The following DNAH14 variants were observed in gnomAD, a reference collection of about 807,000 sequenced individuals.
DNAH14 encodes axonemal beta dynein heavy chain 14.
DNAH14 carries 478 observed loss-of-function variants against 520.9 expected under a neutral mutation model. The ratio of observed to expected loss-of-function variants is 0.92; its 90% CI spans 0.85 to 0.99. The LOEUF (loss-of-function observed/expected upper bound fraction) is 0.99, where lower values mean the gene tolerates loss of function less well. DNAH14 is among the 50% of genes least tolerant of loss of function. DNAH14 has a pLI of 0.00. For synonymous variants in DNAH14, 1,581 were observed against 1,757.2 expected (o/e 0.90, Z 2.51); for missense variants, 4,831 against 5,234.5 (o/e 0.92, Z 2.38).
intron 37 of DNAH14, among the ~76,000 whole-genome samples, chr1:225,186,964 T>C (rs1273072115): frequency 6.6e-6 from 1 of 151,904 alleles, no homozygotes; most frequent in African/African-American, 2.4e-5. Context: ...CTTACTGGTC[T>C]GTTCAAGACC....
intron 8 of DNAH14, among the ~76,000 whole-genome samples, chr1:224,997,951 T>C (rs1488351887): frequency 6.6e-6 from 1 of 152,144 alleles, no homozygotes; most frequent in Non-Finnish European, 1.5e-5. Context: ...GACAGAGGAA[T>C]GAATTCAATT....
chr1:224,939,452 CG>C lies in DNAH14; in HGVS notation c.-34+9618del, dbSNP rs1182161432. On this transcript the variant is annotated intron_variant, in intron 1 of 85. Coordinates refer to ENST00000682510, the MANE Select transcript of DNAH14 (RefSeq NM_001367479.1). ...TTGGGATGCCCAGGTGGGTGGATCA[CG>C]AGGTCAGGAGATTGAGACCATCCTG... Among the ~76,000 whole-genome samples, 6 of 152,010 alleles carry C rather than the reference CG, an allele frequency of 3.9e-5. No individual in the cohort carries two copies. The East Asian group carries it at 9.6e-4, about 24-fold the overall frequency.
intron 17 of DNAH14, among the ~76,000 whole-genome samples, chr1:225,066,514 C>T (rs988119058): frequency 3.3e-5 from 5 of 151,700 alleles, no homozygotes; most frequent in South Asian, 4.2e-4. Flanking sequence ...ATTTTTATTT[C>T]GATAGTTTTG....
intron 36 of DNAH14, among the ~76,000 whole-genome samples, chr1:225,185,011 T>A (rs918325709): frequency 1.3e-5 from 2 of 151,880 alleles, no homozygotes; most frequent in East Asian, 3.9e-4. Flanking sequence ...GTACCTGTTA[T>A]TAAAATAAAA....
chr1:225,177,131 G>A (rs1338921983), intron 36 of DNAH14, among the ~76,000 whole-genome samples: 1 of 152,128 alleles, frequency 6.6e-6, no homozygotes, highest in South Asian at 2.1e-4. Flanking sequence ...CAGAGATGAG[G>A]AACTTGTTGG....
intron 55 of DNAH14, among the ~76,000 whole-genome samples, chr1:225,293,387 C>T (rs1333013049): frequency 6.6e-6 from 1 of 152,080 alleles, no homozygotes; most frequent in Non-Finnish European, 1.5e-5. Flanking sequence ...GTCACTGCAG[C>T]ACTATTCACA....
chr1:224,954,889 C>G (rs2060414834), intron 2 of DNAH14, 70 bp from the exon 3 acceptor site: 1 of 1,265,000 alleles, frequency 7.9e-7, no homozygotes, highest in Non-Finnish European at 1.1e-6. Context: ...TGGTAATATG[C>G]TAATAGCTCA....
intron 42 of DNAH14, among the ~76,000 whole-genome samples, chr1:225,240,242 A>G (rs2091889773): frequency 6.6e-6 from 1 of 150,598 alleles, no homozygotes; most frequent in Admixed American, 6.6e-5. Flanking sequence ...AAATATATAC[A>G]TATATTAAGC....
At chr1:225,168,410 G>C (rs1282621490) in intron 36 of DNAH14, among the ~76,000 whole-genome samples, 1 of 152,214 alleles carries the variant, frequency 6.6e-6, no homozygotes, top group Non-Finnish European at 1.5e-5. Context: ...GCCAAGGAAA[G>C]GGGTGACAGA....
At chr1:225,310,617 G>A (rs2094344761) in intron 60 of DNAH14, among the ~76,000 whole-genome samples, 1 of 152,048 alleles carries the variant, frequency 6.6e-6, no homozygotes, top group African/African-American at 2.4e-5. Context: ...CCCCCCGACA[G>A]GCCCCAGTGT....
In DNAH14 at chr1:225,154,902, T is replaced by C. The variant is rs532158173; in HGVS notation, c.5273+1076T>C. Among the ~76,000 whole-genome samples, 99 of 152,178 alleles carry C rather than the reference T, an allele frequency of 6.5e-4. 1 individual carries two copies. Among genetic ancestry groups the C allele is most frequent in the South Asian group, 2.1e-3 (10 of 4,828 alleles). On this transcript the variant is annotated intron_variant, in intron 34 of 85. Transcript: ENST00000682510. ...AAAAAATTGTAACTCATATTACACA[T>C]AGCTTATCCTCTTAATATATAAAGA...
At chr1:224,996,138 G>T (rs1173734222) in intron 8 of DNAH14, among the ~76,000 whole-genome samples, 1 of 151,864 alleles carries the variant, frequency 6.6e-6, no homozygotes. Flanking sequence ...ATCTGTGCCT[G>T]TAAGGAGACA....
intron 49 of DNAH14, among the ~76,000 whole-genome samples, chr1:225,269,315 T>C (rs1276275121): frequency 6.6e-6 from 1 of 152,200 alleles, no homozygotes; most frequent in African/African-American, 2.4e-5. Flanking sequence ...TTACACCTTA[T>C]ATAAAAATTA....
chr1:224,958,519 A>T (rs755322653), intron 3 of DNAH14, among the ~76,000 whole-genome samples: 7 of 152,114 alleles, frequency 4.6e-5, no homozygotes, highest in Non-Finnish European at 1.0e-4. Flanking sequence ...TCTAAGCTGG[A>T]TAAAGAGAAA....
intron 6 of DNAH14, 129 bp downstream of exon 6, chr1:224,967,712 A>G (rs1414503743): frequency 1.3e-6 from 2 of 1,589,326 alleles, no homozygotes; most frequent in African/African-American, 1.4e-5. Context: ...CAGTTTATAT[A>G]TAAGAATCTC....
chr1:225,073,025 A>T (rs1461169685), intron 17 of DNAH14, among the ~76,000 whole-genome samples: 1 of 152,010 alleles, frequency 6.6e-6, no homozygotes, highest in African/African-American at 2.4e-5. Flanking sequence ...ATGTTTTCAT[A>T]GAGTAGCCAT....
chr1:225,321,202 G>A (rs1388567185), intron 61 of DNAH14, among the ~76,000 whole-genome samples: 1 of 152,210 alleles, frequency 6.6e-6, no homozygotes, highest in African/African-American at 2.4e-5. Flanking sequence ...GACTGTTAAT[G>A]AGACTAAAGA....
At chr1:225,044,671 A>T (rs779182152) in intron 15 of DNAH14, among the ~76,000 whole-genome samples, 3 of 152,208 alleles carry the variant, frequency 2.0e-5, no homozygotes, top group Non-Finnish European at 4.4e-5. Context: ...GTCCCTTGAC[A>T]TCTCATATTT....
intron 46 of DNAH14, among the ~76,000 whole-genome samples, chr1:225,260,859 C>G (rs1235845485): frequency 6.6e-6 from 1 of 152,094 alleles, no homozygotes; most frequent in African/African-American, 2.4e-5. Context: ...TTTTCACCTT[C>G]TTGTTATATT....
Sources: allele counts gnomAD v4.1 joint callset (sites outside exome capture counted in the v4.1 genomes callset), GRCh38; gene constraint gnomAD v4.1.1; transcripts MANE v1.5; gene names NCBI Gene and HGNC (gene_info 2026-07-23, HGNC 2026-07-21).